The following TASP1 variants were observed in gnomAD, a reference collection of about 807,000 sequenced individuals.
The protein encoded by TASP1 is taspase 1, also known as threonine aspartase 1.
In TASP1, 16 loss-of-function variants were observed where a neutral mutation model predicts 56.6. That is an observed-to-expected ratio of 0.28 (90% CI 0.19 to 0.43). The LOEUF (loss-of-function observed/expected upper bound fraction) is 0.43. Ranked by LOEUF, TASP1 falls within the 20% of genes least tolerant of loss-of-function variation. The probability of loss-of-function intolerance (pLI) is 1.00; values close to 1 mark genes in which losing one functional copy is unlikely to be tolerated. For missense variants in TASP1, 393 were observed against 511.6 expected (o/e 0.77, Z 2.24); for synonymous variants, 179 against 184.2 (o/e 0.97, Z 0.23).
At chr20:13,280,176 C>T in the TASP1 span, among the ~76,000 whole-genome samples, 2 of 152,014 alleles carry the variant, frequency 1.3e-5, no homozygotes, top group African/African-American at 4.8e-5. Flanking sequence ...GCCTCCCCCG[C>T]CCCTCAAATT....
At chr20:13,268,218 C>T in the TASP1 span, among the ~76,000 whole-genome samples, 2 of 149,710 alleles carry the variant, frequency 1.3e-5, no homozygotes, top group East Asian at 4.0e-4. Flanking sequence ...CTTGCTCCTT[C>T]TCTTTCTCTC....
At chr20:13,376,591 AG>A in the TASP1 span, among the ~76,000 whole-genome samples, 6 of 151,818 alleles carry the variant, frequency 4.0e-5, no homozygotes, top group South Asian at 2.1e-4. Flanking sequence ...AATTTAAAAT[AG>A]TTTTTTTTCT....
At chr20:13,585,004 TG>T (rs2047252145) in intron 5 of TASP1, among the ~76,000 whole-genome samples, 1 of 152,006 alleles carries the variant, frequency 6.6e-6, no homozygotes, top group African/African-American at 2.4e-5. Context: ...TTTCAAAGAA[TG>T]GGGGAAAAAA....
At chr20:13,626,337 G>A (rs1367998338) in intron 2 of TASP1, among the ~76,000 whole-genome samples, 2 of 152,142 alleles carry the variant, frequency 1.3e-5, no homozygotes, top group African/African-American at 4.8e-5. Flanking sequence ...TGGGGCACGG[G>A]AATAGCTTGA....
chr20:13,541,745 A>G (rs1324756445), intron 8 of TASP1, among the ~76,000 whole-genome samples: 2 of 152,170 alleles, frequency 1.3e-5, no homozygotes, highest in Non-Finnish European at 2.9e-5. Context: ...GGATGAATAA[A>G]TAAATAAATG....
At chr20:13,247,557 T>TAG in the TASP1 span, among the ~76,000 whole-genome samples, 13 of 147,032 alleles carry the variant, frequency 8.8e-5, no homozygotes, top group Non-Finnish European at 1.5e-4. Flanking sequence ...TGTGTGTGTG[T>TAG]GTAGGTAGGT....
At chr20:13,204,639 A>C in the TASP1 span, among the ~76,000 whole-genome samples, 3 of 151,916 alleles carry the variant, frequency 2.0e-5, no homozygotes, top group Non-Finnish European at 4.4e-5. Flanking sequence ...TTCTGGGTTC[A>C]AGCAACTCTC....
the TASP1 span, among the ~76,000 whole-genome samples, chr20:13,360,600 C>T: frequency 6.6e-6 from 1 of 152,346 alleles, no homozygotes; most frequent in Admixed American, 6.5e-5. Context: ...CTGCGTGCAG[C>T]AGCTGCCGCT....
At chr20:13,479,220 T>G (rs894967127) in intron 11 of TASP1, among the ~76,000 whole-genome samples, 1 of 152,130 alleles carries the variant, frequency 6.6e-6, no homozygotes, top group Admixed American at 6.6e-5. Flanking sequence ...ATACAATTTT[T>G]CTACACATGC....
the TASP1 span, among the ~76,000 whole-genome samples, chr20:13,151,230 A>G: frequency 1.3e-5 from 2 of 152,204 alleles, no homozygotes; most frequent in Non-Finnish European, 2.9e-5. Flanking sequence ...ACTACCAACT[A>G]AAGTTTACTA....
At chr20:13,279,654 C>A in the TASP1 span, 1 of 1,613,768 alleles carries the variant, frequency 6.2e-7, no homozygotes. Flanking sequence ...AGGTGGTCGA[C>A]GGTCCTGACT....
the TASP1 span, among the ~76,000 whole-genome samples, chr20:13,271,461 T>C: frequency 6.6e-6 from 1 of 152,194 alleles, no homozygotes; most frequent in Admixed American, 6.5e-5. Context: ...AAAGCAAATG[T>C]TGATCGGATT....
chr20:13,371,431 T>G, the TASP1 span, among the ~76,000 whole-genome samples: 1 of 152,190 alleles, frequency 6.6e-6, no homozygotes, highest in Admixed American at 6.6e-5. Flanking sequence ...TATTTAGTAG[T>G]GCGCTGTTAA....
At chr20:13,345,371 G>A in the TASP1 span, among the ~76,000 whole-genome samples, 2 of 152,178 alleles carry the variant, frequency 1.3e-5, no homozygotes, top group African/African-American at 4.8e-5. Context: ...TGGCTGGCTG[G>A]CAGGACCACA....
the TASP1 span, among the ~76,000 whole-genome samples, chr20:13,121,405 C>T: frequency 6.6e-6 from 1 of 152,186 alleles, no homozygotes; most frequent in Non-Finnish European, 1.5e-5. Flanking sequence ...ATTTAACATC[C>T]CTTTGAAGTA....
chr20:13,619,863 TA>T (rs2048648894), intron 4 of TASP1, among the ~76,000 whole-genome samples: 1 of 152,212 alleles, frequency 6.6e-6, no homozygotes, highest in Non-Finnish European at 1.5e-5. Context: ...TGAATCGATT[TA>T]CCAATAAATC....
At chr20:13,365,012 G>A in the TASP1 span, among the ~76,000 whole-genome samples, 1 of 152,018 alleles carries the variant, frequency 6.6e-6, no homozygotes, top group Non-Finnish European at 1.5e-5. Context: ...ATAATTTTCA[G>A]AACAAACAGA....
chr20:13,393,247 C>T, intron 13 of TASP1: 1 of 738,084 alleles, frequency 1.4e-6, no homozygotes, highest in South Asian at 1.4e-5. Context: ...GATGGCCCCT[C>T]CGGGAAACTG....
the TASP1 span, among the ~76,000 whole-genome samples, chr20:13,365,820 A>G: frequency 2.6e-5 from 4 of 152,290 alleles, no homozygotes; most frequent in East Asian, 1.9e-4. Flanking sequence ...GTGTCTTACG[A>G]AGTCTGGCTG....
Sources: allele counts gnomAD v4.1 joint callset (sites outside exome capture counted in the v4.1 genomes callset), GRCh38; gene constraint gnomAD v4.1.1; transcripts MANE v1.5; gene names NCBI Gene and HGNC (gene_info 2026-07-23, HGNC 2026-07-21).